The following SGCD variants were observed in gnomAD, a reference collection of about 807,000 sequenced individuals.
The protein encoded by SGCD is sarcoglycan delta.
SGCD carries 18 observed loss-of-function variants against 36.6 expected under a neutral mutation model. The ratio of observed to expected loss-of-function variants is 0.49; its 90% CI spans 0.34 to 0.73. SGCD has a LOEUF of 0.73. SGCD is among the 30% of genes least tolerant of loss of function. The pLI is 0.01. For synonymous variants in SGCD, 133 were observed against 130.6 expected, an observed-to-expected ratio of 1.02 and a Z score of -0.12; for missense variants, 387 against 346.7, an observed-to-expected ratio of 1.12 and a Z score of -0.92.
chr5:156,143,705 G>C (rs773401675), intron 3 of SGCD, among the ~76,000 whole-genome samples: 23 of 152,020 alleles, frequency 1.5e-4, no homozygotes, highest in Non-Finnish European at 2.8e-4. Flanking sequence ...CTTGCATACG[G>C]CCTGCAGCCT....
intron 1 of SGCD, among the ~76,000 whole-genome samples, chr5:155,955,293 T>C (rs1377064890): frequency 6.6e-6 from 1 of 152,156 alleles, no homozygotes; most frequent in East Asian, 1.9e-4. Context: ...ATTTAGTAAG[T>C]AAATGAATTC....
At chr5:156,183,597 G>A (rs1277638455) in intron 3 of SGCD, among the ~76,000 whole-genome samples, 4 of 152,074 alleles carry the variant, frequency 2.6e-5, no homozygotes, top group Admixed American at 6.5e-5. Flanking sequence ...TAGTAGAGAC[G>A]AGGTTTCACT....
intron 1 of SGCD, among the ~76,000 whole-genome samples, chr5:156,085,928 A>C (rs1340498538): frequency 6.6e-6 from 1 of 152,280 alleles, no homozygotes; most frequent in East Asian, 1.9e-4. Flanking sequence ...ACATTAAATT[A>C]TTTGTTTCCA....
intron 1 of SGCD, among the ~76,000 whole-genome samples, chr5:155,888,746 T>C (rs942458797): frequency 4.6e-5 from 7 of 152,210 alleles, no homozygotes; most frequent in African/African-American, 1.7e-4. Flanking sequence ...TTGAATGAGC[T>C]CCTTAGAGGA....
chr5:156,006,564 A>G (rs1490729808), intron 1 of SGCD, among the ~76,000 whole-genome samples: 1 of 152,088 alleles, frequency 6.6e-6, no homozygotes, highest in Non-Finnish European at 1.5e-5. Flanking sequence ...GCCGGAAAAT[A>G]TTTTGTTTTG....
chr5:156,589,192 CT>C, intron 4 of SGCD, 38 bp from the exon 5 acceptor site: 3 of 1,400,660 alleles, frequency 2.1e-6, no homozygotes, highest in Non-Finnish European at 3.0e-6. Context: ...GTTTAGAAAT[CT>C]ATCATTTTCA....
intron 3 of SGCD, among the ~76,000 whole-genome samples, chr5:156,436,024 G>A (rs1486485200): frequency 6.6e-6 from 1 of 152,172 alleles, no homozygotes; most frequent in African/African-American, 2.4e-5. Flanking sequence ...GACCCCACCT[G>A]TGTGCCCCTA....
intron 1 of SGCD, among the ~76,000 whole-genome samples, chr5:156,116,821 T>G (rs546030135): frequency 1.3e-5 from 2 of 152,314 alleles, no homozygotes; most frequent in African/African-American, 2.4e-5. Context: ...TGAACAGTGC[T>G]GGCACATACA....
intron 1 of SGCD, among the ~76,000 whole-genome samples, chr5:156,057,782 A>G (rs547797859): frequency 6.8e-6 from 1 of 146,526 alleles, no homozygotes; most frequent in African/African-American, 2.4e-5. Flanking sequence ...TAATGGCCAT[A>G]ATGATTGGAA....
intron 1 of SGCD, among the ~76,000 whole-genome samples, chr5:155,947,293 TTGTGTGTGTG>T (rs56192140): frequency 0.19 from 26,743 of 138,850 alleles, 3,026 homozygotes; most frequent in Admixed American, 0.37. Flanking sequence ...ATAAATACTC[TTGTGTGTGTG>T]TGTGTGTGTG....
chr5:155,995,456 G>C (rs753224269), intron 1 of SGCD, among the ~76,000 whole-genome samples: 15 of 152,100 alleles, frequency 9.9e-5, no homozygotes, highest in Non-Finnish European at 1.8e-4. Flanking sequence ...TAACTCCTGT[G>C]TAAGTTGTGA....
chr5:156,511,005 T>C lies in SGCD; in HGVS notation c.294+2303T>C, dbSNP rs147674821. ...GACAGCTGATCCTAACTGAGAGATA[T>C]ACCTGCTTGTAAGCTTAAAAAGTAA... On this transcript the variant is annotated intron_variant, in intron 4 of 8. Transcript: ENST00000337851. Among the ~76,000 whole-genome samples, 11 of 152,316 alleles carry C rather than the reference T, an allele frequency of 7.2e-5. No individual in the cohort carries two copies. In the East Asian group the frequency reaches 2.1e-3, roughly 29 times the overall value.
At chr5:155,907,135 C>A (rs574144215) in intron 1 of SGCD, among the ~76,000 whole-genome samples, 34 of 151,922 alleles carry the variant, frequency 2.2e-4, no homozygotes, top group Non-Finnish European at 4.4e-4. Context: ...AATGGAACAG[C>A]AAAGCCTAGC....
intron 3 of SGCD, among the ~76,000 whole-genome samples, chr5:156,171,700 C>T (rs1401444415): frequency 6.6e-6 from 1 of 152,070 alleles, no homozygotes; most frequent in Non-Finnish European, 1.5e-5. Flanking sequence ...TAAAATTCTT[C>T]TGTAAATTTT....
chr5:156,289,975 G>GATAAAGAAGAAAGACAATCTT (rs1766713903), intron 3 of SGCD, among the ~76,000 whole-genome samples: 1 of 152,084 alleles, frequency 6.6e-6, no homozygotes, highest in Non-Finnish European at 1.5e-5. Flanking sequence ...AAACATGATT[G>GATAAAGAAGAAAGACAATCTT]ATAAAGAAGA....
intron 7 of SGCD, among the ~76,000 whole-genome samples, chr5:156,718,435 C>T (rs1755325347): frequency 6.6e-6 from 1 of 152,044 alleles, no homozygotes; most frequent in African/African-American, 2.4e-5. Context: ...AAGTATGTGG[C>T]TTTGGAAAAG....
chr5:155,728,554 G>C, the SGCD span, among the ~76,000 whole-genome samples: 1 of 152,216 alleles, frequency 6.6e-6, no homozygotes, highest in Non-Finnish European at 1.5e-5. Flanking sequence ...TGCTCCAGCC[G>C]CTACTGGGGG....
intron 1 of SGCD, among the ~76,000 whole-genome samples, chr5:155,944,084 T>C (rs1757390425): frequency 1.3e-5 from 2 of 152,356 alleles, no homozygotes; most frequent in South Asian, 4.1e-4. Context: ...TGGCTGTCTC[T>C]GGGCTGAATG....
At chr5:156,719,163 A>T (rs1236037336) in intron 7 of SGCD, among the ~76,000 whole-genome samples, 1 of 152,126 alleles carries the variant, frequency 6.6e-6, no homozygotes, top group East Asian at 1.9e-4. Flanking sequence ...TTGGCACACA[A>T]AATTTTCAGG....
Sources: allele counts gnomAD v4.1 joint callset (sites outside exome capture counted in the v4.1 genomes callset), GRCh38; gene constraint gnomAD v4.1.1; transcripts MANE v1.5; gene names NCBI Gene and HGNC (gene_info 2026-07-23, HGNC 2026-07-21).